TRDN: variants seen among roughly 807,000 people sequenced by gnomAD.
TRDN encodes the protein triadin.
TRDN carries 161 observed loss-of-function variants against 149.7 expected under a neutral mutation model. That is an observed-to-expected ratio of 1.08 (90% CI 0.95 to 1.23). The LOEUF (loss-of-function observed/expected upper bound fraction) is 1.23, where lower values mean the gene tolerates loss of function less well. Ranked by LOEUF, TRDN falls within the 50% of genes most tolerant of loss-of-function variation. The pLI is 0.00. For missense variants in TRDN, 896 were observed against 823.5 expected (o/e 1.09, Z -1.08); for synonymous variants, 294 against 250.5 (o/e 1.17, Z -1.64).
At chr6:123,481,265 A>G (rs1777734648) in intron 9 of TRDN, among the ~76,000 whole-genome samples, 1 of 152,080 alleles carries the variant, frequency 6.6e-6, no homozygotes, top group Admixed American at 6.6e-5. Flanking sequence ...CTCACCAACC[A>G]ACAAAGGCAG....
At position 123,464,887 on chromosome 6, in the gene TRDN, GA is replaced by G. The variant is rs201431159; in HGVS notation, c.931+18del. ...TTTTATCTACAATAGAGATCTTTAA[GA>G]AAAAAAAAAGTACTTGCCTTCAAGG... On this transcript the variant is annotated intron_variant, in intron 10 of 40. Transcript: ENST00000334268. 9.6e-4 allele frequency: 1,387 copies of G among 1,450,828 alleles called. 6 individuals carry two copies. The African/African-American group carries it at 0.014, about 15-fold the overall frequency. 89.9% of individuals were successfully genotyped at this position (1,450,828 alleles called of 1,614,324 possible).
intron 1 of TRDN, among the ~76,000 whole-genome samples, chr6:123,614,300 CAA>C (rs1199509406): frequency 2.0e-5 from 2 of 99,862 alleles, no homozygotes; most frequent in African/African-American, 7.8e-5. Context: ...AAAAAAAAAA[CAA>C]AAAAAAAAAA....
chr6:123,606,230 T>C lies in TRDN; in HGVS notation c.22+30524A>G, dbSNP rs774290285. Reference sequence around the variant, plus strand: ...TTATTATTTCTAACATAATCAAGTATCACTCATATTATTTTTAATATAATC... The same window carrying C: ...TTATTATTTCTAACATAATCAAGTACCACTCATATTATTTTTAATATAATC... On this transcript the variant is annotated intron_variant, in intron 1 of 40. Coordinates refer to ENST00000334268, the MANE Select transcript of TRDN (RefSeq NM_006073.4). Among the ~76,000 whole-genome samples, 75 of 144,194 alleles carry C rather than the reference T, an allele frequency of 5.2e-4. 1 individual carries two copies. The highest frequency in any genetic ancestry group is 7.0e-3 in the Middle Eastern group (2 of 284). The allele number at this position is 144,194 out of a possible 152,430, so 94.6% of individuals were successfully genotyped here. A position where few individuals can be genotyped will look rare whatever the true frequency, so the allele number is the denominator to read the frequency against.
At chr6:123,598,987 AC>A (rs1156743519) in intron 1 of TRDN, among the ~76,000 whole-genome samples, 2 of 152,212 alleles carry the variant, frequency 1.3e-5, no homozygotes, top group East Asian at 3.9e-4. Context: ...CTAACTTTGT[AC>A]TAGCATCTGC....
intron 1 of TRDN, among the ~76,000 whole-genome samples, chr6:123,619,118 A>G (rs145320802): frequency 4.3e-4 from 66 of 152,316 alleles, no homozygotes; most frequent in African/African-American, 1.6e-3. Context: ...GCAAGATTGC[A>G]AGATACATTA....
intron 23 of TRDN, among the ~76,000 whole-genome samples, chr6:123,326,861 G>T (rs1296719757): frequency 2.0e-5 from 3 of 151,934 alleles, no homozygotes; most frequent in Non-Finnish European, 1.5e-5. Flanking sequence ...AATAAAATCT[G>T]CAGATTTTTA....
In TRDN at chr6:123,352,569, C is replaced by T. The variant is rs45492296; in HGVS notation, c.1339G>A (p.Glu447Lys). The T allele has an allele frequency of 6.2e-7, 1 of 1,610,240 alleles. No homozygotes were observed. Among genetic ancestry groups the T allele is most frequent in the South Asian group, 1.1e-5 (1 of 90,872 alleles). ...TCCACTGTCTTGGTTGTTTTCTCTT[C>T]CTTCTTTCCAGGTACAGCTGCAAAA... is the stretch of plus-strand genomic sequence containing the variant. The part of the protein sequence containing the change: ...SIKKAVPGKK[E>K]EKTTKTVEQE... The change falls in exon 21 of 41, where the codon GAA (glutamate) becomes AAA (lysine). Residue 447 changes from glutamate to lysine, a missense_variant. Glu to Lys is a moderately conservative substitution (Grantham distance 56). Coordinates refer to ENST00000334268, the MANE Select transcript of TRDN (RefSeq NM_006073.4).
intron 39 of TRDN, among the ~76,000 whole-genome samples, chr6:123,222,136 C>T (rs866128653): frequency 1.7e-4 from 25 of 151,512 alleles, no homozygotes; most frequent in African/African-American, 6.0e-4. Context: ...CTGGTATCCA[C>T]GAATGGGGTT....
intron 21 of TRDN, among the ~76,000 whole-genome samples, chr6:123,347,456 CTT>C (rs904559356): frequency 6.6e-6 from 1 of 152,024 alleles, no homozygotes; most frequent in African/African-American, 2.4e-5. Context: ...TACAACCTTA[CTT>C]AAAGCATTTT....
chr6:123,527,003 C>T (rs1779983394), intron 5 of TRDN, among the ~76,000 whole-genome samples: 2 of 151,944 alleles, frequency 1.3e-5, no homozygotes, highest in Admixed American at 6.6e-5. Context: ...TATGACAACT[C>T]TATTATCCCC....
chr6:123,576,902 G>A (rs375443293), intron 1 of TRDN, among the ~76,000 whole-genome samples: 2 of 152,040 alleles, frequency 1.3e-5, no homozygotes, highest in South Asian at 2.1e-4. Flanking sequence ...CATGAAAAGT[G>A]TCAGGAGACA....
chr6:123,229,248 T>C (rs1467012307), intron 38 of TRDN, among the ~76,000 whole-genome samples: 1 of 151,932 alleles, frequency 6.6e-6, no homozygotes, highest in Non-Finnish European at 1.5e-5. Flanking sequence ...AGGTTTTGTA[T>C]AACTCTTCAA....
rs147759313 is a variant in TRDN at position 123,377,953 on chromosome 6, A to G, written c.1187-55T>C. The G allele has an allele frequency of 8.3e-5, 105 of 1,259,422 alleles. No individual in the cohort carries two copies. In the African/African-American group the frequency reaches 1.3e-3, roughly 16 times the overall value. 78.0% of individuals were successfully genotyped at this position (1,259,422 alleles called of 1,614,324 possible). A position where few individuals can be genotyped will look rare whatever the true frequency, so the allele number is the denominator to read the frequency against. ...TATCGTTATTATTCTAAAGTTTATGAATCCCAACTTAATTGTTTTAACACA... is the reference window on the plus strand; with the variant it reads ...TATCGTTATTATTCTAAAGTTTATGGATCCCAACTTAATTGTTTTAACACA... On this transcript the variant is annotated intron_variant, in intron 16 of 40. Coordinates refer to ENST00000334268, the MANE Select transcript of TRDN (RefSeq NM_006073.4).
chr6:123,241,315 T>C (rs1266015335), intron 38 of TRDN, among the ~76,000 whole-genome samples: 1 of 151,284 alleles, frequency 6.6e-6, no homozygotes, highest in Admixed American at 6.6e-5. Context: ...TAAAAGAATC[T>C]TTACTAGATA....
chr6:123,499,216 C>T (rs1033552098), intron 8 of TRDN, among the ~76,000 whole-genome samples: 1 of 152,102 alleles, frequency 6.6e-6, no homozygotes, highest in Non-Finnish European at 1.5e-5. Flanking sequence ...ATAACATCCC[C>T]TCCAAATGAA....
chr6:123,629,779 A>T (rs1014785348), intron 1 of TRDN, among the ~76,000 whole-genome samples: 1 of 152,020 alleles, frequency 6.6e-6, no homozygotes, highest in Non-Finnish European at 1.5e-5. Flanking sequence ...AGGCATGGAG[A>T]TGTGGAGATG....
At chr6:123,426,580 T>C (rs544717663) in intron 12 of TRDN, among the ~76,000 whole-genome samples, 1 of 152,272 alleles carries the variant, frequency 6.6e-6, no homozygotes, top group African/African-American at 2.4e-5. Flanking sequence ...CAAGCCATGG[T>C]GTATTTTCTT....
intron 1 of TRDN, among the ~76,000 whole-genome samples, chr6:123,592,426 G>A (rs886910781): frequency 3.3e-5 from 5 of 151,628 alleles, no homozygotes; most frequent in African/African-American, 4.9e-5. Flanking sequence ...ATTTACTGTC[G>A]GGGGACTCAA....
intron 26 of TRDN, among the ~76,000 whole-genome samples, chr6:123,276,017 C>G (rs2114621589): frequency 6.6e-6 from 1 of 152,150 alleles, no homozygotes; most frequent in South Asian, 2.1e-4. Flanking sequence ...AATGCTGTGT[C>G]CTTACAGGGC....
Sources: allele counts gnomAD v4.1 joint callset (sites outside exome capture counted in the v4.1 genomes callset), GRCh38; gene constraint gnomAD v4.1.1; transcripts MANE v1.5; gene names NCBI Gene and HGNC (gene_info 2026-07-23, HGNC 2026-07-21).